The following CEP112 variants were observed in gnomAD, a reference collection of about 807,000 sequenced individuals.
CEP112 encodes centrosomal protein of 112 kDa.
A neutral mutation model predicts 153.0 loss-of-function variants in CEP112; 127 were observed. That is an observed-to-expected ratio of 0.83 (90% confidence interval 0.72 to 0.96). The LOEUF (loss-of-function observed/expected upper bound fraction) is 0.96. Among genes scored for constraint, CEP112 ranks in the 40% least tolerant of loss-of-function variants. The pLI is 0.00. For missense variants in CEP112, 1,089 were observed against 1,101.2 expected, an observed-to-expected ratio of 0.99 and a Z score of 0.16; for synonymous variants, 358 against 374.4, an observed-to-expected ratio of 0.96 and a Z score of 0.51.
At chr17:65,792,611 T>C in intron 21 of CEP112, among the ~76,000 whole-genome samples, 1 of 152,026 alleles carries the variant, frequency 6.6e-6, no homozygotes, top group Admixed American at 6.6e-5. Context: ...TTACGTTGTG[T>C]TATGTTACAT....
chr17:65,762,138 T>C (rs930212498), intron 21 of CEP112, among the ~76,000 whole-genome samples: 111 of 152,102 alleles, frequency 7.3e-4, no homozygotes, highest in African/African-American at 2.6e-3. Flanking sequence ...CTGTTAAGGA[T>C]TGATATGTCT....
At chr17:66,049,163 T>C (rs67808754) in intron 12 of CEP112, among the ~76,000 whole-genome samples, 62,432 of 151,906 alleles carry the variant, frequency 0.41, 14,294 homozygotes, top group East Asian at 0.87. Flanking sequence ...CACCCCATCC[T>C]TGCTACTTGA....
chr17:66,061,569 TACACACACACAC>T (rs35156012), intron 11 of CEP112, among the ~76,000 whole-genome samples: 1 of 146,238 alleles, frequency 6.8e-6, no homozygotes, highest in African/African-American at 2.5e-5. Flanking sequence ...ATGTGATAGA[TACACACACACAC>T]ACACACACAC....
At chr17:66,081,638 C>T (rs538460609) in intron 8 of CEP112, among the ~76,000 whole-genome samples, 4 of 151,256 alleles carry the variant, frequency 2.6e-5, no homozygotes, top group African/African-American at 9.7e-5. Context: ...GGCCTAATTC[C>T]AAGCGCAGTG....
At chr17:66,184,822 A>G (rs901121487) in intron 1 of CEP112, among the ~76,000 whole-genome samples, 1 of 152,208 alleles carries the variant, frequency 6.6e-6, no homozygotes, top group Admixed American at 6.5e-5. Flanking sequence ...ACCACCAAAC[A>G]ACTGAAAACA....
intron 21 of CEP112, among the ~76,000 whole-genome samples, chr17:65,758,092 A>C (rs141687914): frequency 5.5e-4 from 84 of 152,260 alleles, no homozygotes; most frequent in African/African-American, 1.9e-3. Context: ...CATCGCAAGT[A>C]GCTGGGATTA....
intron 19 of CEP112, among the ~76,000 whole-genome samples, chr17:65,909,039 A>T (rs1183395483): frequency 6.6e-6 from 1 of 152,232 alleles, no homozygotes; most frequent in Non-Finnish European, 1.5e-5. Flanking sequence ...AACCACTTTC[A>T]ATAATCATTT....
chr17:66,142,717 C>T (rs892815831), intron 4 of CEP112, among the ~76,000 whole-genome samples: 3 of 152,030 alleles, frequency 2.0e-5, no homozygotes, highest in Admixed American at 6.6e-5. Flanking sequence ...ATATGTCTGT[C>T]TTTACGCCAG....
intron 8 of CEP112, among the ~76,000 whole-genome samples, chr17:66,094,578 C>A (rs1035823921): frequency 1.3e-5 from 2 of 152,076 alleles, no homozygotes; most frequent in Non-Finnish European, 2.9e-5. Flanking sequence ...AGCTCCATGA[C>A]ATTGCTCTGG....
At chr17:66,158,274 G>A (rs1333133277) in intron 4 of CEP112, among the ~76,000 whole-genome samples, 2 of 152,110 alleles carry the variant, frequency 1.3e-5, no homozygotes, top group Non-Finnish European at 2.9e-5. Context: ...TGAACAACCT[G>A]CTCCTGAATG....
At chr17:65,657,968 C>T (rs1288874021) in intron 24 of CEP112, among the ~76,000 whole-genome samples, 4 of 152,144 alleles carry the variant, frequency 2.6e-5, no homozygotes, top group Non-Finnish European at 5.9e-5. Context: ...GTTATGTCAA[C>T]AAATTTAGAT....
At chr17:65,896,428 A>G (rs2059661009) in intron 20 of CEP112, among the ~76,000 whole-genome samples, 1 of 152,058 alleles carries the variant, frequency 6.6e-6, no homozygotes, top group East Asian at 1.9e-4. Flanking sequence ...AGAAAAAGAA[A>G]GCTGGTGACC....
intron 16 of CEP112, among the ~76,000 whole-genome samples, chr17:66,023,259 T>C (rs1271606107): frequency 6.6e-6 from 1 of 151,960 alleles, no homozygotes; most frequent in Admixed American, 6.6e-5. Flanking sequence ...CCATAAGAAA[T>C]AGTCATCAGA....
chr17:65,729,363 C>T (rs8064869), intron 23 of CEP112, among the ~76,000 whole-genome samples: 83,368 of 151,812 alleles, frequency 0.55, 23,199 homozygotes, highest in South Asian at 0.72. Flanking sequence ...TGACTGCATA[C>T]ATAAATATGT....
intron 21 of CEP112, among the ~76,000 whole-genome samples, chr17:65,818,880 A>G (rs1428806847): frequency 1.3e-5 from 2 of 151,902 alleles, no homozygotes; most frequent in Non-Finnish European, 3.0e-5. Context: ...TCTCACACTA[A>G]TAGTCACTCT....
At chr17:66,092,620 T>C (rs919343210) in intron 8 of CEP112, among the ~76,000 whole-genome samples, 2 of 152,058 alleles carry the variant, frequency 1.3e-5, no homozygotes, top group African/African-American at 4.8e-5. Flanking sequence ...GCAAAAGTCC[T>C]CAACAAAATA....
intron 12 of CEP112, among the ~76,000 whole-genome samples, chr17:66,052,020 C>T (rs574967363): frequency 7.7e-4 from 117 of 152,310 alleles, no homozygotes; most frequent in Non-Finnish European, 1.3e-3. Context: ...AATCATCTAA[C>T]ACAAAGCCTA....
chr17:65,891,170 G>T (rs2059451246), intron 20 of CEP112, among the ~76,000 whole-genome samples: 1 of 152,056 alleles, frequency 6.6e-6, no homozygotes, highest in Non-Finnish European at 1.5e-5. Flanking sequence ...ATGATTGGGG[G>T]TATTAAGGTA....
intron 21 of CEP112, among the ~76,000 whole-genome samples, chr17:65,816,609 A>T (rs1186491139): frequency 6.6e-6 from 1 of 151,918 alleles, no homozygotes; most frequent in Non-Finnish European, 1.5e-5. Context: ...TTGATTTTTT[A>T]AAAATTTTGA....
Sources: gnomAD v4.1 joint callset for allele counts (sites outside exome capture counted in the v4.1 genomes callset) on GRCh38, gnomAD v4.1.1 for gene constraint, MANE v1.5 for transcripts, NCBI Gene and HGNC (gene_info 2026-07-23, HGNC 2026-07-21) for gene names.